Variants in LAMA2 observed in about 807,000 individuals in gnomAD.
The protein encoded by LAMA2 is laminin subunit alpha-2.
LAMA2 carries 269 observed loss-of-function variants against 364.8 expected under a neutral mutation model. The ratio of observed to expected loss-of-function variants is 0.74; its 90% CI spans 0.67 to 0.82. LAMA2 has a LOEUF of 0.82. Among genes scored for constraint, LAMA2 ranks in the 40% least tolerant of loss-of-function variants. LAMA2 has a pLI of 0.00. For synonymous variants in LAMA2, 1,379 were observed against 1,370.6 expected (o/e 1.01, Z -0.14); for missense variants, 3,807 against 3,873.2 (o/e 0.98, Z 0.45).
intron 12 of LAMA2, among the ~76,000 whole-genome samples, chr6:129,228,758 A>G (rs1784491172): frequency 6.6e-6 from 1 of 152,200 alleles, no homozygotes; most frequent in Non-Finnish European, 1.5e-5. Context: ...TGTATGAAAT[A>G]GATGACGTTA....
chr6:128,924,545 GA>G (rs56209254), intron 1 of LAMA2, among the ~76,000 whole-genome samples: 108,554 of 151,216 alleles, frequency 0.72, 41,036 homozygotes, highest in South Asian at 0.83. Context: ...TATATCCCAG[GA>G]AAAAAAAAAT....
At chr6:129,413,759 T>TA (rs957992972) in intron 40 of LAMA2, among the ~76,000 whole-genome samples, 19 of 152,044 alleles carry the variant, frequency 1.2e-4, no homozygotes, top group Non-Finnish European at 2.4e-4. Flanking sequence ...TGTGTGCAAA[T>TA]AAAGTGGTAC....
In LAMA2 at chr6:129,221,162, C is replaced by CA. The variant is rs148440333; in HGVS notation, c.1782+28319dup. Among the ~76,000 whole-genome samples, 568 of 139,544 alleles carry CA rather than the reference C, an allele frequency of 4.1e-3. 1 individual carries two copies. The highest frequency in any genetic ancestry group is 9.3e-3 in the African/African-American group (344 of 36,872). 91.5% of individuals were successfully genotyped at this position (139,544 alleles called of 152,430 possible). ...TGGGAGACAGAGCAAGACTCCATCT[C>CA]AAAAAAAAAATAAAAATTAAAAAAA... On this transcript the variant is annotated intron_variant, in intron 12 of 64. Coordinates refer to ENST00000421865, the MANE Select transcript of LAMA2 (RefSeq NM_000426.4).
intron 35 of LAMA2, 97 bp downstream of exon 35, chr6:129,383,330 A>T: frequency 1.1e-6 from 1 of 944,124 alleles, no homozygotes; most frequent in Non-Finnish European, 1.7e-6. Flanking sequence ...TATAAGTGAC[A>T]TCTGTAAAAT....
rs981620166 is a variant in LAMA2 at position 129,505,145 on chromosome 6, T to C, written c.8548-55T>C. ...GTTAGAGTCCTTATGTCTTATACTC[T>C]GCATATGTGAAATTTGTTCAGGATT... On this transcript the variant is annotated intron_variant, in intron 60 of 64. Coordinates refer to ENST00000421865, the MANE Select transcript of LAMA2 (RefSeq NM_000426.4). The C allele has an allele frequency of 2.7e-5, 40 of 1,469,570 alleles. No homozygotes were observed. The African/African-American group carries it at 5.0e-4, about 18-fold the overall frequency. 91.0% of individuals were successfully genotyped at this position (1,469,570 alleles called of 1,614,324 possible).
At chr6:129,463,795 T>G (rs1262213836) in intron 49 of LAMA2, among the ~76,000 whole-genome samples, 1 of 151,994 alleles carries the variant, frequency 6.6e-6, no homozygotes, top group Non-Finnish European at 1.5e-5. Context: ...TCTTAGATGG[T>G]CTCATGAAAT....
chr6:128,969,959 T>G (rs1028015855), intron 1 of LAMA2, among the ~76,000 whole-genome samples: 1 of 152,086 alleles, frequency 6.6e-6, no homozygotes, highest in African/African-American at 2.4e-5. Context: ...ACAACAAAAA[T>G]CTATAATAGA....
chr6:129,356,138 A>G (rs1777141504), intron 32 of LAMA2, among the ~76,000 whole-genome samples: 2 of 152,110 alleles, frequency 1.3e-5, no homozygotes, highest in Non-Finnish European at 2.9e-5. Context: ...TGGATCCAAA[A>G]TGGAATTTTT....
At chr6:129,304,404 C>T (rs1273094745) in intron 22 of LAMA2, among the ~76,000 whole-genome samples, 1 of 152,058 alleles carries the variant, frequency 6.6e-6, no homozygotes, top group East Asian at 1.9e-4. Flanking sequence ...GCTGGGACTA[C>T]AGGTGCCCGC....
chr6:129,223,184 G>A (rs902905868), intron 12 of LAMA2, among the ~76,000 whole-genome samples: 1 of 152,034 alleles, frequency 6.6e-6, no homozygotes, highest in African/African-American at 2.4e-5. Context: ...AATTTTGATG[G>A]GGTTATTTGT....
At chr6:129,195,516 A>T (rs1482478236) in intron 12 of LAMA2, among the ~76,000 whole-genome samples, 1 of 152,196 alleles carries the variant, frequency 6.6e-6, no homozygotes, top group Non-Finnish European at 1.5e-5. Context: ...GCACGTTTTT[A>T]TACTTTCTAT....
intron 45 of LAMA2, among the ~76,000 whole-genome samples, chr6:129,450,157 G>GTTT (rs138737135): frequency 2.6e-4 from 37 of 142,184 alleles, no homozygotes; most frequent in African/African-American, 4.9e-4. Flanking sequence ...ATGGAATCCC[G>GTTT]TTTTTTTTTT....
At chr6:129,110,780 G>A (rs796485120) in intron 4 of LAMA2, among the ~76,000 whole-genome samples, 2 of 151,958 alleles carry the variant, frequency 1.3e-5, no homozygotes, top group African/African-American at 2.4e-5. Flanking sequence ...CTTCATAAAT[G>A]GAACACTTAG....
chr6:129,078,385 T>G (rs141673292), intron 3 of LAMA2, among the ~76,000 whole-genome samples: 1,858 of 152,220 alleles, frequency 0.012, 38 homozygotes, highest in African/African-American at 0.043. Context: ...TCTGCCCATG[T>G]CAGCCTCCCA....
At chr6:128,920,041 T>C (rs1179284888) in intron 1 of LAMA2, among the ~76,000 whole-genome samples, 2 of 152,206 alleles carry the variant, frequency 1.3e-5, no homozygotes, top group African/African-American at 4.8e-5. Context: ...TTCCTTTGGA[T>C]TTATGGAATA....
chr6:129,376,644 T>A (rs897775747), intron 34 of LAMA2, among the ~76,000 whole-genome samples: 14 of 152,112 alleles, frequency 9.2e-5, no homozygotes, highest in South Asian at 8.3e-4. Context: ...CCACAAAGCA[T>A]TGCCACACAT....
chr6:128,984,964 A>G (rs1399496343), intron 1 of LAMA2, among the ~76,000 whole-genome samples: 1 of 152,152 alleles, frequency 6.6e-6, no homozygotes, highest in African/African-American at 2.4e-5. Context: ...TGGATTTTCT[A>G]CTAATTAGTT....
At chr6:129,329,156 C>T (rs1294319658) in intron 29 of LAMA2, among the ~76,000 whole-genome samples, 1 of 152,180 alleles carries the variant, frequency 6.6e-6, no homozygotes, top group Non-Finnish European at 1.5e-5. Context: ...GCCCACAGCT[C>T]ATCTTTGTTA....
At chr6:129,058,955 G>A (rs1376634853) in intron 2 of LAMA2, among the ~76,000 whole-genome samples, 2 of 152,132 alleles carry the variant, frequency 1.3e-5, no homozygotes, top group Non-Finnish European at 2.9e-5. Flanking sequence ...CAATGGCCTG[G>A]GACAAAGTCT....
Sources: allele counts gnomAD v4.1 joint callset (sites outside exome capture counted in the v4.1 genomes callset), GRCh38; gene constraint gnomAD v4.1.1; transcripts MANE v1.5; gene names NCBI Gene and HGNC (gene_info 2026-07-23, HGNC 2026-07-21).